AHRR: variants seen among roughly 807,000 people sequenced by gnomAD.
AHRR encodes aryl hydrocarbon receptor repressor.
A neutral mutation model predicts 44.0 loss-of-function variants in AHRR; 28 were observed. The observed-to-expected ratio is 0.64, with a 90% CI of 0.47 to 0.87. The LOEUF is 0.87. Among genes scored for constraint, AHRR ranks in the 40% least tolerant of loss-of-function variants. The pLI is 0.00. For missense variants in AHRR, 990 were observed against 953.9 expected (o/e 1.04, Z -0.50); for synonymous variants, 434 against 407.0 (o/e 1.07, Z -0.80).
chr5:362,643 C>T (rs1028684090), intron 3 of AHRR, among the ~76,000 whole-genome samples: 5 of 152,244 alleles, frequency 3.3e-5, no homozygotes, highest in African/African-American at 9.6e-5. Flanking sequence ...TGTAAGGCCA[C>T]TCCTGTCTCA....
chr5:434,037 T>TCCTGCCTGC lies in AHRR; in HGVS notation c.1304_1312dup (p.Leu435_Cys437dup). On this transcript the variant is annotated inframe_insertion, in exon 11 of 11. Coordinates refer to ENST00000684583, the MANE Select transcript of AHRR (RefSeq NM_001377236.1). The stretch of plus-strand genomic sequence containing the variant: ...CTCCCTGCGCCCCATGCCCCGCGGC[T>TCCTGCCTGC]CCTGCCTGCCCTGCCCGTGTGTCCA... 6.2e-7 allele frequency: 1 copy of TCCTGCCTGC among 1,608,620 alleles called. No individual in the cohort carries two copies. The highest frequency in any genetic ancestry group is 8.5e-7 in the Non-Finnish European group (1 of 1,178,040).
intron 2 of AHRR, among the ~76,000 whole-genome samples, chr5:348,570 C>A (rs1278831580): frequency 6.6e-6 from 1 of 152,208 alleles, no homozygotes; most frequent in Non-Finnish European, 1.5e-5. Context: ...CCTGTCACTG[C>A]AGATGGTTTG....
At chr5:340,041 G>A (rs1742276007) in intron 1 of AHRR, among the ~76,000 whole-genome samples, 1 of 152,184 alleles carries the variant, frequency 6.6e-6, no homozygotes, top group South Asian at 2.1e-4. Flanking sequence ...TGTGGCATCA[G>A]AGTAATGCTG....
rs1227037867 is a variant in AHRR at position 406,090 on chromosome 5, A to G, written c.352-7254A>G. Among the ~76,000 whole-genome samples the G allele has an allele frequency of 8.6e-5, 13 of 151,980 alleles. 1 individual carries two copies. The highest frequency in any genetic ancestry group is 3.3e-4 in the Admixed American group (5 of 15,258). On this transcript the variant is annotated intron_variant, in intron 4 of 10. Transcript: ENST00000684583. This position sits in a 1 kb window ranked among gnomAD's most constrained non-coding sequence, Gnocchi z 4.7. ...AATTCTGCAACAAAATTAACTGGGGAAAAAAAAACTAGGGAGAAAACGGGA... is the reference window on the plus strand; with the variant it reads ...AATTCTGCAACAAAATTAACTGGGGGAAAAAAAACTAGGGAGAAAACGGGA...
intron 4 of AHRR, among the ~76,000 whole-genome samples, chr5:401,753 G>A (rs1161439593): frequency 6.6e-6 from 1 of 152,208 alleles, no homozygotes; most frequent in African/African-American, 2.4e-5. Flanking sequence ...GCAGAGAAGA[G>A]CAAAGTGTCG....
intron 5 of AHRR, among the ~76,000 whole-genome samples, chr5:415,528 C>G (rs867396789): frequency 8.6e-5 from 10 of 116,516 alleles, no homozygotes; most frequent in South Asian, 2.6e-4. Context: ...GCCTAGGGGC[C>G]GAGTCTGCCT....
chr5:400,089 A>G (rs1405446414), intron 4 of AHRR, among the ~76,000 whole-genome samples: 1 of 152,150 alleles, frequency 6.6e-6, no homozygotes, highest in South Asian at 2.1e-4. Context: ...GTGGCTCCGT[A>G]ACCGTGGCAA....
chr5:367,426 C>T (rs1472044338), intron 3 of AHRR, among the ~76,000 whole-genome samples: 1 of 152,224 alleles, frequency 6.6e-6, no homozygotes, highest in Non-Finnish European at 1.5e-5. Context: ...TCCTCACCGC[C>T]CATCATGACC....
chr5:409,687 T>C lies in AHRR; in HGVS notation c.352-3657T>C, dbSNP rs1033032460. On this transcript the variant is annotated intron_variant, in intron 4 of 10. Coordinates refer to ENST00000684583, the MANE Select transcript of AHRR (RefSeq NM_001377236.1). The stretch of plus-strand genomic sequence containing the variant: ...TTTTTTAATTGTTGATTTGTAGCAG[T>C]TCTTACAGATTCTGGATAAAGTCCT... Among the ~76,000 whole-genome samples, 3 of 152,222 alleles carry C rather than the reference T, an allele frequency of 2.0e-5. No homozygotes were observed. In the East Asian group the frequency reaches 5.8e-4, roughly 29 times the overall value.
chr5:388,264 TC>T lies in AHRR; in HGVS notation c.351+11554del, dbSNP rs1734250790. Reference sequence around the variant, plus strand: ...CAGGGTTGGGGCAGAAACTCAGGCCTCCCCCCGTCCCGAACCCAAGCCCTGA... The same window carrying T: ...CAGGGTTGGGGCAGAAACTCAGGCCTCCCCCGTCCCGAACCCAAGCCCTGA... On this transcript the variant is annotated intron_variant, in intron 4 of 10. Transcript: ENST00000684583. The surrounding 1 kb of genome is among the most constrained non-coding windows in gnomAD (Gnocchi z 5.2). Among the ~76,000 whole-genome samples the T allele has an allele frequency of 6.6e-6, 1 of 151,936 alleles. No individual in the cohort carries two copies. The highest frequency in any genetic ancestry group is 6.5e-5 in the Admixed American group (1 of 15,280).
At chr5:364,119 A>G (rs1405167710) in intron 3 of AHRR, among the ~76,000 whole-genome samples, 2 of 152,252 alleles carry the variant, frequency 1.3e-5, no homozygotes, top group Non-Finnish European at 2.9e-5. Flanking sequence ...AAACTTCAAG[A>G]AAAAATATTT....
intron 4 of AHRR, among the ~76,000 whole-genome samples, chr5:410,188 T>G (rs1416931014): frequency 6.6e-6 from 1 of 152,166 alleles, no homozygotes; most frequent in East Asian, 1.9e-4. Flanking sequence ...CTTTTGCAAT[T>G]CCATAACTAT....
At chr5:376,550 G>GT in intron 3 of AHRR, 60 bp from the exon 4 acceptor site, 2 of 1,422,292 alleles carry the variant, frequency 1.4e-6, no homozygotes, top group Non-Finnish European at 9.5e-7. Context: ...AGATGTGAAT[G>GT]AAGAAGAGTG....
chr5:338,831 A>C lies in AHRR; in HGVS notation c.-10-5062A>C, dbSNP rs1742229501. On this transcript the variant is annotated intron_variant, in intron 1 of 10. Transcript: ENST00000684583. The surrounding 1 kb of genome is among the most constrained non-coding windows in gnomAD (Gnocchi z 4.1). ...TACAATTCTCATTACATTTGGAAAA[A>C]ATTTCTGCTGTTTCTTACATTTTCT... is the stretch of plus-strand genomic sequence containing the variant. 6.6e-6 allele frequency among the ~76,000 whole-genome samples: 1 copy of C among 152,074 alleles called. No homozygotes were observed.
chr5:367,999 A>G (rs912178998), intron 3 of AHRR: 32 of 694,502 alleles, frequency 4.6e-5, no homozygotes, highest in African/African-American at 2.3e-4. Context: ...TGTGAGGACA[A>G]TGAAGGCAAT....
chr5:432,618 AT>A (rs1376806471), intron 9 of AHRR, 94 bp downstream of exon 9: 7 of 1,525,156 alleles, frequency 4.6e-6, no homozygotes, highest in Middle Eastern at 1.7e-4. Flanking sequence ...ATGTTGGCGT[AT>A]TCCATGGAAA....
chr5:415,731 CTGTGCAGAGCAGCAGGCAGTGGAAGCCA>C (rs1735774517), intron 5 of AHRR, among the ~76,000 whole-genome samples: 1 of 152,100 alleles, frequency 6.6e-6, no homozygotes, highest in Non-Finnish European at 1.5e-5. Flanking sequence ...GGCCTAGGGG[CTGTGCAGAGCAGCAGGCAGTGGAAGCCA>C]CGAACCACCC....
At chr5:385,874 C>T (rs1734152988) in intron 4 of AHRR, among the ~76,000 whole-genome samples, 1 of 152,160 alleles carries the variant, frequency 6.6e-6, no homozygotes, top group Admixed American at 6.5e-5. Flanking sequence ...TTAATATTTC[C>T]TCACAGACCT....
At chr5:344,211 G>T (rs1560883931) in intron 2 of AHRR, among the ~76,000 whole-genome samples, 1 of 151,010 alleles carries the variant, frequency 6.6e-6, no homozygotes, top group Admixed American at 6.6e-5. Context: ...GCGAGGCGGC[G>T]GGCACCGTGA....
Sources: gnomAD v4.1 joint callset for allele counts (sites outside exome capture counted in the v4.1 genomes callset) on GRCh38, gnomAD v4.1.1 for gene constraint, Gnocchi (gnomAD v3.1) non-coding constraint, MANE v1.5 for transcripts, NCBI Gene and HGNC (gene_info 2026-07-23, HGNC 2026-07-21) for gene names.